The following IL17REL variants were observed in gnomAD, a reference collection of about 807,000 sequenced individuals.
The protein encoded by IL17REL is interleukin 17 receptor E like.
IL17REL carries 36 observed loss-of-function variants against 49.0 expected under a neutral mutation model. That is an observed-to-expected ratio of 0.73 (90% CI 0.56 to 0.97). The LOEUF is 0.97. Ranked by LOEUF, IL17REL falls within the 50% of genes least tolerant of loss-of-function variation. The probability of loss-of-function intolerance (pLI) is 0.00; values close to 1 mark genes in which losing one functional copy is unlikely to be tolerated. For synonymous variants in IL17REL, 206 were observed against 192.4 expected, an observed-to-expected ratio of 1.07 and a Z score of -0.58; for missense variants, 470 against 453.9, an observed-to-expected ratio of 1.04 and a Z score of -0.32.
exon 13 of IL17REL, chr22:49,996,253 G>A (rs906565488): frequency 3.9e-5 from 6 of 152,230 alleles, no homozygotes; most frequent in Admixed American, 3.3e-4. Flanking sequence ...TCCCACCTCT[G>A]TGGCTGTTGC....
At chr22:50,000,010 C>T in intron 4 of IL17REL, 43 bp from the exon 7 acceptor site, 1 of 1,438,330 alleles carries the variant, frequency 7.0e-7, no homozygotes, top group Non-Finnish European at 9.2e-7. Flanking sequence ...GACCAGCGGT[C>T]ACCGACGCGG....
At chr22:50,010,367 G>A (rs2061132794), upstream of IL17REL, among the ~76,000 whole-genome samples, 1 of 152,266 alleles carries the variant, frequency 6.6e-6, no homozygotes, top group African/African-American at 2.4e-5. Context: ...ATCCGAGCAG[G>A]CCTCAGGTGG....
downstream of IL17REL, among the ~76,000 whole-genome samples, chr22:49,992,397 T>C (rs146683098): frequency 3.4e-3 from 524 of 152,314 alleles, 2 homozygotes; most frequent in African/African-American, 0.012. Flanking sequence ...CACATCACCT[T>C]GTCTGAGCCT....
chr22:50,000,380 A>C, intron 4 of IL17REL, 98 bp downstream of exon 5: 1 of 880,862 alleles, frequency 1.1e-6, no homozygotes, highest in Non-Finnish European at 1.9e-6. Context: ...GGATCTGTCC[A>C]GTGTGAGGGC....
At chr22:50,000,000 G>A (rs1321114881) in intron 4 of IL17REL, 33 bp from the exon 7 acceptor site, 7 of 1,467,436 alleles carry the variant, frequency 4.8e-6, no homozygotes, top group East Asian at 5.6e-5. Context: ...GCCGCGCTGG[G>A]ACCAGCGGTC....
intron 7 of IL17REL, among the ~76,000 whole-genome samples, chr22:49,999,085 A>G (rs1357865846): frequency 7.0e-6 from 1 of 143,756 alleles, no homozygotes; most frequent in African/African-American, 2.6e-5. Context: ...CCACGTGCGC[A>G]CACATGTACA....
intron 1 of IL17REL, among the ~76,000 whole-genome samples, chr22:50,003,764 A>G (rs2061092165): frequency 6.6e-6 from 1 of 152,198 alleles, no homozygotes; most frequent in Non-Finnish European, 1.5e-5. Flanking sequence ...ATGTAACATA[A>G]CATTTCTCAG....
upstream of IL17REL, among the ~76,000 whole-genome samples, chr22:50,009,640 G>C (rs1036400862): frequency 2.0e-5 from 3 of 151,318 alleles, no homozygotes; most frequent in African/African-American, 7.3e-5. Flanking sequence ...CCAGGCTGTC[G>C]GGGTGGGGGT....
At chr22:50,004,432 G>A (rs2061097197) in intron 1 of IL17REL, among the ~76,000 whole-genome samples, 1 of 152,194 alleles carries the variant, frequency 6.6e-6, no homozygotes, top group East Asian at 1.9e-4. Flanking sequence ...GCCAGGCTGT[G>A]CTAGGGAGTG....
chr22:50,009,427 G>C (rs554512721), upstream of IL17REL, among the ~76,000 whole-genome samples: 209 of 152,274 alleles, frequency 1.4e-3, no homozygotes, highest in Non-Finnish European at 2.4e-3. Flanking sequence ...GAAGGCGCCC[G>C]GCACCCCGGC....
chr22:49,999,566 G>A, intron 5 of IL17REL, 64 bp from the exon 8 acceptor site: 1 of 1,315,290 alleles, frequency 7.6e-7, no homozygotes, highest in Middle Eastern at 2.5e-4. Context: ...GGGGTGGGCG[G>A]GACCTGCACC....
chr22:50,010,171 C>T (rs369304198), upstream of IL17REL, among the ~76,000 whole-genome samples: 10 of 152,360 alleles, frequency 6.6e-5, no homozygotes, highest in Middle Eastern at 3.4e-3. Context: ...GCCATGGCCA[C>T]GAAACCCGCC....
At chr22:50,004,351 T>TC (rs527963119) in intron 1 of IL17REL, among the ~76,000 whole-genome samples, 124 of 152,326 alleles carry the variant, frequency 8.1e-4, no homozygotes, top group Admixed American at 2.4e-3. Context: ...ACACTGTATT[T>TC]CTATATACTA....
chr22:49,997,686 T>C, exon 10 of IL17REL: 1 of 1,613,704 alleles, frequency 6.2e-7, no homozygotes, highest in East Asian at 2.2e-5. Context: ...AGAACTTACT[T>C]GGGAAGCGAC....
chr22:49,992,147 T>G (rs2061009767), downstream of IL17REL, among the ~76,000 whole-genome samples: 1 of 152,178 alleles, frequency 6.6e-6, no homozygotes, highest in African/African-American at 2.4e-5. Flanking sequence ...CTATCCTTTG[T>G]CCACAAAGAA....
intron 2 of IL17REL, 83 bp downstream of exon 3, chr22:50,000,999 C>G: frequency 1.5e-6 from 2 of 1,311,324 alleles, no homozygotes; most frequent in African/African-American, 2.9e-5. Context: ...CCAGGCCGCC[C>G]AAGGTTTGAT....
chr22:50,000,681 C>A (rs2146747672), intron 3 of IL17REL, 73 bp downstream of exon 4: 1 of 1,544,840 alleles, frequency 6.5e-7, no homozygotes, highest in Non-Finnish European at 8.9e-7. Context: ...GAGCTTAGAG[C>A]CAGGGATGGC....
upstream of IL17REL, among the ~76,000 whole-genome samples, chr22:50,012,359 G>A (rs555156098): frequency 5.9e-5 from 9 of 152,310 alleles, no homozygotes; most frequent in East Asian, 5.8e-4. Flanking sequence ...AACACTTCCC[G>A]GAGCAGCTCG....
chr22:50,007,490 C>T (rs572734561), intron 1 of IL17REL, among the ~76,000 whole-genome samples: 1 of 152,240 alleles, frequency 6.6e-6, no homozygotes, highest in African/African-American at 2.4e-5. Flanking sequence ...CTTGCCTCAG[C>T]CTCCCAGGTA....
Sources: gnomAD v4.1 joint callset for allele counts (sites outside exome capture counted in the v4.1 genomes callset) on GRCh38, gnomAD v4.1.1 for gene constraint, MANE v1.5 for transcripts, NCBI Gene and HGNC (gene_info 2026-07-23, HGNC 2026-07-21) for gene names.